NCBP2: variants seen among roughly 807,000 people sequenced by gnomAD.
NCBP2 encodes nuclear cap binding protein subunit 2.
In NCBP2, 8 loss-of-function variants were observed where a neutral mutation model predicts 21.5. The observed-to-expected ratio is 0.37, with a 90% confidence interval of 0.22 to 0.67. The LOEUF (loss-of-function observed/expected upper bound fraction) is 0.67, where lower values mean the gene tolerates loss of function less well. Ranked by LOEUF, NCBP2 falls within the 30% of genes least tolerant of loss-of-function variation. NCBP2 has a pLI of 0.56. For missense variants in NCBP2, 127 were observed against 206.9 expected (o/e 0.61, Z 2.37); for synonymous variants, 92 against 75.8 (o/e 1.21, Z -1.11).
rs1448636448 is a variant in NCBP2 at position 196,935,448 on chromosome 3, T to A, written c.*1563A>T. The A allele has an allele frequency of 6.6e-6, 1 of 152,102 alleles. No individual in the cohort carries two copies. Among genetic ancestry groups the A allele is most frequent in the Non-Finnish European group, 1.5e-5 (1 of 68,016 alleles). 9.4% of individuals were successfully genotyped at this position (152,102 alleles called of 1,614,324 possible). ...TATTGAAACCTATTACAGAAGACAA[T>A]CCGAATAAAACCACTGTCTCCTGTA... is the stretch of plus-strand genomic sequence containing the variant. On this transcript the variant is annotated 3_prime_UTR_variant, in exon 4 of 4. Transcript: ENST00000321256.
At chr3:196,937,438 A>C in intron 3 of NCBP2, 72 bp downstream of exon 3, 1 of 1,587,552 alleles carries the variant, frequency 6.3e-7, no homozygotes, top group South Asian at 1.1e-5. Flanking sequence ...AGTAAATACA[A>C]ATTGCCAAAA....
chr3:196,941,962 C>T (rs898283614), intron 1 of NCBP2: 2 of 1,536,238 alleles, frequency 1.3e-6, no homozygotes, highest in East Asian at 4.9e-5. Flanking sequence ...ACACCATCCT[C>T]CCAGAGAAGG....
chr3:196,940,268 A>C (rs1477707311), intron 1 of NCBP2: 1 of 152,272 alleles, frequency 6.6e-6, no homozygotes, highest in Non-Finnish European at 1.5e-5. Context: ...GCTACTCGGG[A>C]GGCTGAAGCA....
In NCBP2 at chr3:196,936,944, T is replaced by C. The variant is rs541458010; in HGVS notation, c.*67A>G. The stretch of plus-strand genomic sequence containing the variant: ...TAAAAATGGGCTCGTGTGCAGACTT[T>C]AGGTGATGTTCTTCAGCAAATTCAA... On this transcript the variant is annotated 3_prime_UTR_variant, in exon 4 of 4. Transcript: ENST00000321256. 1.7e-5 allele frequency: 25 copies of C among 1,443,382 alleles called. No homozygotes were observed. In the East Asian group the frequency reaches 1.8e-4, roughly 10 times the overall value. 89.4% of individuals were successfully genotyped at this position (1,443,382 alleles called of 1,614,324 possible). A position where few individuals can be genotyped will look rare whatever the true frequency, so the allele number is the denominator to read the frequency against.
Position 196,937,749 on chromosome 3 carries a change from C to A in NCBP2, c.261-101G>T, listed in dbSNP as rs1577861563. ...TTGTTAAAAAGTACAAGAGCTAATC[C>A]AACCAGATGGAGTTCAAAGACAGTA... is the stretch of plus-strand genomic sequence containing the variant. On this transcript the variant is annotated intron_variant, in intron 2 of 3. Transcript: ENST00000321256. The A allele has an allele frequency of 2.9e-5, 42 of 1,428,356 alleles. 1 individual carries two copies. The highest frequency in any genetic ancestry group is 4.1e-5 in the Non-Finnish European group (42 of 1,035,012). 88.5% of individuals were successfully genotyped at this position (1,428,356 alleles called of 1,614,324 possible).
intron 1 of NCBP2, among the ~76,000 whole-genome samples, chr3:196,940,743 T>G (rs1438825487): frequency 7.2e-5 from 11 of 152,222 alleles, no homozygotes; most frequent in Non-Finnish European, 1.6e-4. Context: ...ACAGGATGCT[T>G]TAAGTTCAAA....
At chr3:196,941,848 C>CA (rs1465985360) in intron 1 of NCBP2, 1 of 1,478,174 alleles carries the variant, frequency 6.8e-7, no homozygotes, top group African/African-American at 1.4e-5. Flanking sequence ...CGAACACCCT[C>CA]AAAGTGCCGA....
Position 196,938,817 on chromosome 3 carries a change from A to G in NCBP2, c.260+434T>C, listed in dbSNP as rs76508444. The G allele has an allele frequency of 1.2e-3, 189 of 153,752 alleles. 7 individuals carry two copies. The East Asian group carries it at 0.03, about 25-fold the overall frequency. 9.5% of individuals were successfully genotyped at this position (153,752 alleles called of 1,614,324 possible). A position where few individuals can be genotyped will look rare whatever the true frequency, so the allele number is the denominator to read the frequency against. ...ACAGCTATTTTAAAAAAAGACCTAC[A>G]TATGCTGAAATGGAACAATAAAAAA... is the stretch of plus-strand genomic sequence containing the variant. On this transcript the variant is annotated intron_variant, in intron 2 of 3. Coordinates refer to ENST00000321256, the MANE Select transcript of NCBP2 (RefSeq NM_007362.5).
chr3:196,942,473 T>C lies in NCBP2; in HGVS notation c.31A>G (p.Ser11Gly). 4.3e-6 allele frequency: 7 copies of C among 1,613,290 alleles called. No homozygotes were observed. Among genetic ancestry groups the C allele is most frequent in the Non-Finnish European group, 5.9e-6 (7 of 1,179,944 alleles). MSGGLLKALR[S>G]DSYVELSQYR... The stretch of plus-strand genomic sequence containing the variant: ...TGGCTCAGCTCCACGTAGGAGTCGC[T>C]GCGCAGCGCCTTCAGGAGGCCACCC... The change falls in exon 1 of 4, where the codon AGC becomes GGC. Residue 11 changes from serine (S) to glycine (G), a missense_variant. Transcript: ENST00000321256.
intron 2 of NCBP2, chr3:196,938,019 T>G (rs516461): frequency 5.5e-6 from 1 of 182,302 alleles, no homozygotes; most frequent in Non-Finnish European, 1.2e-5. Flanking sequence ...AAGGTCACCG[T>G]GCACGTGGAA....
At position 196,936,518 on chromosome 3, in the gene NCBP2, C is replaced by G. The variant is rs1291785699; in HGVS notation, c.*493G>C. 6.3e-6 allele frequency: 1 copy of G among 158,312 alleles called. No individual in the cohort carries two copies. Among genetic ancestry groups the G allele is most frequent in the East Asian group, 1.8e-4 (1 of 5,456 alleles). The allele number at this position is 158,312 out of a possible 1,614,324, so 9.8% of individuals were successfully genotyped here. On this transcript the variant is annotated 3_prime_UTR_variant, in exon 4 of 4. Transcript: ENST00000321256. ...CTCAAACTCCTGGCCTCAAGCTATC[C>G]TTCCTCCTCAGCCTCCCAAAGTGTT...
chr3:196,941,754 C>A (rs1256138492), intron 1 of NCBP2: 2 of 693,366 alleles, frequency 2.9e-6, no homozygotes, highest in East Asian at 5.6e-5. Context: ...GCTGCCTCCC[C>A]TTTTTCCACA....
rs115898338 is a variant in NCBP2, at chr3:196,942,001, G to A, written c.78+425C>T. 2,974 of 1,536,178 alleles carry A rather than the reference G, an allele frequency of 1.9e-3. 51 individuals are homozygous for A. In the African/African-American group the frequency reaches 0.035, roughly 18 times the overall value. On this transcript the variant is annotated intron_variant, in intron 1 of 3. Transcript: ENST00000321256. Reference sequence around the variant, plus strand: ...CCGAATCGCCGAAGGGCACTGCTTCGCCGATTTAAAAAACAAAGCAAAAAG... The same window carrying A: ...CCGAATCGCCGAAGGGCACTGCTTCACCGATTTAAAAAACAAAGCAAAAAG...
rs1716234996 is a variant in NCBP2, at chr3:196,935,840, A to G, written c.*1171T>C. 1 of 116,782 alleles carries G rather than the reference A, an allele frequency of 8.6e-6. No homozygotes were observed. Among genetic ancestry groups the G allele is most frequent in the Non-Finnish European group, 1.7e-5 (1 of 59,224 alleles). 7.2% of individuals were successfully genotyped at this position (116,782 alleles called of 1,614,324 possible). ...AGAAATCACCTCTTGCCTTACAAAT[A>G]CCAAATAAATTCCCTAGACTCCCCT... On this transcript the variant is annotated 3_prime_UTR_variant, in exon 4 of 4. Coordinates refer to ENST00000321256, the MANE Select transcript of NCBP2 (RefSeq NM_007362.5).
At chr3:196,937,344 TAAAA>T in intron 3 of NCBP2, 162 bp downstream of exon 3, 1 of 989,712 alleles carries the variant, frequency 1.0e-6, no homozygotes, top group East Asian at 2.7e-5. Flanking sequence ...TTTCACGGTT[TAAAA>T]AAAAAATTCA....
chr3:196,942,057 C>CCT (rs1483400331), intron 1 of NCBP2: 4 of 1,532,626 alleles, frequency 2.6e-6, no homozygotes, highest in Non-Finnish European at 3.5e-6. Context: ...GGCGCCTCTG[C>CCT]CTACTCTGGG....
chr3:196,938,778 C>A (rs1382636079), intron 2 of NCBP2: 1 of 152,514 alleles, frequency 6.6e-6, no homozygotes, highest in Non-Finnish European at 1.5e-5. Context: ...ACACCAGCCA[C>A]CATGCCCAGC....
chr3:196,941,597 C>T (rs1716571674), intron 1 of NCBP2: 4 of 403,158 alleles, frequency 9.9e-6, no homozygotes, highest in Non-Finnish European at 1.8e-5. Context: ...TGTCTTCCCT[C>T]TCCCTCTAGG....
At chr3:196,941,096 T>C (rs1051175963) in intron 1 of NCBP2, 1 of 145,510 alleles carries the variant, frequency 6.9e-6, no homozygotes, top group African/African-American at 2.5e-5. Flanking sequence ...ATACATTAAC[T>C]GAATAAATTT....
Sources: allele counts gnomAD v4.1 joint callset (sites outside exome capture counted in the v4.1 genomes callset), GRCh38; gene constraint gnomAD v4.1.1; transcripts MANE v1.5; gene names NCBI Gene and HGNC (gene_info 2026-07-23, HGNC 2026-07-21).